The following SGCD variants were observed in gnomAD, a reference collection of about 807,000 sequenced individuals.
The protein encoded by SGCD is delta-sarcoglycan.
Under a neutral mutation model 36.6 loss-of-function variants are expected in SGCD, and 18 were observed. The observed-to-expected ratio is 0.49, with a 90% CI of 0.34 to 0.73. The LOEUF (loss-of-function observed/expected upper bound fraction) is 0.73, where lower values mean the gene tolerates loss of function less well. SGCD is among the 30% of genes least tolerant of loss of function. The pLI, the probability that SGCD is intolerant of heterozygous loss-of-function variation, is 0.01. For missense variants in SGCD, 387 were observed against 346.7 expected, an observed-to-expected ratio of 1.12 and a Z score of -0.92; for synonymous variants, 133 against 130.6, an observed-to-expected ratio of 1.02 and a Z score of -0.12.
chr5:156,127,343 C>T (rs949764340), intron 3 of SGCD, among the ~76,000 whole-genome samples: 4 of 152,048 alleles, frequency 2.6e-5, no homozygotes, highest in East Asian at 1.9e-4. Flanking sequence ...GAGGCTCATG[C>T]CTGTAATCTT....
At chr5:156,697,931 G>A (rs1318498664) in intron 7 of SGCD, among the ~76,000 whole-genome samples, 1 of 152,072 alleles carries the variant, frequency 6.6e-6, no homozygotes. Flanking sequence ...TCTCTCTCAA[G>A]TCAGGAGAAA....
chr5:156,085,164 T>TTTG (rs375003538), intron 1 of SGCD, among the ~76,000 whole-genome samples: 33 of 152,096 alleles, frequency 2.2e-4, no homozygotes, highest in South Asian at 1.9e-3. Context: ...TTTCATTCTT[T>TTTG]TTGTTGTTGT....
chr5:155,838,479 G>A, the SGCD span, among the ~76,000 whole-genome samples: 1 of 151,942 alleles, frequency 6.6e-6, no homozygotes, highest in East Asian at 1.9e-4. Flanking sequence ...TTGCCCCCGT[G>A]TCATTTAATA....
chr5:156,314,109 A>G (rs963759177), intron 3 of SGCD, among the ~76,000 whole-genome samples: 1 of 151,984 alleles, frequency 6.6e-6, no homozygotes, highest in Non-Finnish European at 1.5e-5. Flanking sequence ...GTGCTTAGGG[A>G]AAAAGCCAGT....
At chr5:155,970,722 C>A (rs1271258650) in intron 1 of SGCD, among the ~76,000 whole-genome samples, 1 of 152,124 alleles carries the variant, frequency 6.6e-6, no homozygotes, top group Non-Finnish European at 1.5e-5. Flanking sequence ...AACGTGTATA[C>A]ATTTATGCTA....
Position 156,454,365 on chromosome 5 carries a change from T to G in SGCD, c.193-54236T>G, listed in dbSNP as rs1326665843. Among the ~76,000 whole-genome samples the G allele has an allele frequency of 2.6e-5, 4 of 151,922 alleles. No homozygotes were observed. The East Asian group carries it at 7.7e-4, about 29-fold the overall frequency. ...TAGCTATTAAATTCTGATGAAAGAG[T>G]AACAAGAAGACATAAGGAAACTTTC... On this transcript the variant is annotated intron_variant, in intron 3 of 8. Coordinates refer to ENST00000337851, the MANE Select transcript of SGCD (RefSeq NM_000337.6).
chr5:156,504,750 A>G (rs185541544), intron 3 of SGCD, among the ~76,000 whole-genome samples: 3 of 152,364 alleles, frequency 2.0e-5, no homozygotes, highest in Admixed American at 6.5e-5. Context: ...ACTGAGGTAA[A>G]TCGTGAAAAG....
rs140938272 is a variant in SGCD at position 156,028,881 on chromosome 5, A to G, written c.-281-88997A>G. ...TCAAAGAAAGATTTTTAATGTTAAT[A>G]TTACTAATTAAAAGACATACCACTC... On this transcript the variant is annotated intron_variant, in intron 1 of 9. Coordinates refer to the SGCD transcript ENST00000517913. 1.1e-4 allele frequency among the ~76,000 whole-genome samples: 16 copies of G among 152,322 alleles called. No homozygotes were observed. In the East Asian group the frequency reaches 1.7e-3, roughly 17 times the overall value.
intron 3 of SGCD, among the ~76,000 whole-genome samples, chr5:156,148,779 A>C (rs1415798329): frequency 6.6e-6 from 1 of 152,130 alleles, no homozygotes; most frequent in Non-Finnish European, 1.5e-5. Context: ...TATGTGCAGG[A>C]GTGCACCTAC....
intron 3 of SGCD, among the ~76,000 whole-genome samples, chr5:156,488,850 C>T (rs1260433303): frequency 6.6e-6 from 1 of 152,082 alleles, no homozygotes; most frequent in Non-Finnish European, 1.5e-5. Context: ...CAGAAAGCAA[C>T]TAATAAAATG....
chr5:155,921,633 G>A lies in SGCD; in HGVS notation c.-282+51209G>A, dbSNP rs1756882265. On this transcript the variant is annotated intron_variant, in intron 1 of 9. Coordinates refer to the SGCD transcript ENST00000517913. The stretch of plus-strand genomic sequence containing the variant: ...CAGATTCAAAACACAAATGGGATGT[G>A]AAGCCTCTGAGGATTCTAGCTGTTT... 2.0e-5 allele frequency among the ~76,000 whole-genome samples: 3 copies of A among 152,108 alleles called. No homozygotes were observed. In the South Asian group the frequency reaches 6.2e-4, roughly 31 times the overall value.
the SGCD span, among the ~76,000 whole-genome samples, chr5:155,843,911 C>A: frequency 1.3e-5 from 2 of 151,994 alleles, no homozygotes; most frequent in African/African-American, 4.8e-5. Context: ...TCTAATAAAT[C>A]TTTCACTCTT....
At chr5:156,332,237 C>T (rs914997883) in intron 2 of SGCD, among the ~76,000 whole-genome samples, 21 of 152,294 alleles carry the variant, frequency 1.4e-4, no homozygotes, top group African/African-American at 4.8e-4. Flanking sequence ...AAGGCTTGGA[C>T]TATAGGTACA....
chr5:156,539,951 C>G (rs6877566), intron 4 of SGCD, among the ~76,000 whole-genome samples: 2 of 151,850 alleles, frequency 1.3e-5, no homozygotes, highest in South Asian at 4.1e-4. Context: ...TATGTGAATA[C>G]GAGTTCATGG....
At chr5:155,816,993 A>G in the SGCD span, among the ~76,000 whole-genome samples, 1 of 152,162 alleles carries the variant, frequency 6.6e-6, no homozygotes, top group African/African-American at 2.4e-5. Context: ...CCTTCACTAC[A>G]TATGTATATT....
At chr5:156,582,817 A>ACG (rs146842955) in intron 4 of SGCD, among the ~76,000 whole-genome samples, 5,452 of 152,020 alleles carry the variant, frequency 0.036, 333 homozygotes, top group African/African-American at 0.12. Context: ...ACGCATGTGC[A>ACG]CGCGCACACA....
intron 1 of SGCD, among the ~76,000 whole-genome samples, chr5:155,886,030 G>A (rs1755989741): frequency 6.6e-6 from 1 of 152,178 alleles, no homozygotes; most frequent in Admixed American, 6.5e-5. Context: ...TTTATTTAGT[G>A]AGAAAATGCT....
intron 3 of SGCD, among the ~76,000 whole-genome samples, chr5:156,411,307 T>C (rs1561678179): frequency 6.6e-6 from 1 of 152,206 alleles, no homozygotes; most frequent in Admixed American, 6.5e-5. Context: ...AGTCATTTCC[T>C]TTCCCCACCC....
chr5:156,153,748 A>G (rs1762882496), intron 3 of SGCD, among the ~76,000 whole-genome samples: 1 of 151,572 alleles, frequency 6.6e-6, no homozygotes, highest in Admixed American at 6.6e-5. Flanking sequence ...GATGTCAGCT[A>G]CACGTGGAAA....
Sources: allele counts gnomAD v4.1 joint callset (sites outside exome capture counted in the v4.1 genomes callset), GRCh38; gene constraint gnomAD v4.1.1; transcripts MANE v1.5; gene names NCBI Gene and HGNC (gene_info 2026-07-23, HGNC 2026-07-21).